Variants in UHMK1 observed in about 807,000 individuals in gnomAD.
UHMK1 encodes the protein serine/threonine-protein kinase Kist.
In UHMK1, 18 loss-of-function variants were observed where a neutral mutation model predicts 44.0. The ratio of observed to expected loss-of-function variants is 0.41; its 90% confidence interval spans 0.28 to 0.61. The LOEUF is 0.61. UHMK1 is among the 20% of genes least tolerant of loss of function. The pLI is 0.31. For synonymous variants in UHMK1, 231 were observed against 198.5 expected (o/e 1.16, Z -1.38); for missense variants, 463 against 522.5 (o/e 0.89, Z 1.11).
In UHMK1 at chr1:162,529,256, TG is replaced by T. The variant is rs1652362020; in HGVS notation, c.*6707del. On this transcript the variant is annotated 3_prime_UTR_variant, in exon 8 of 8. Transcript: ENST00000489294. Reference sequence around the variant, plus strand: ...TGATGTCTTATTGTTTGTGAGCTTTTGTTTTTTTTTTAAAGAAAAAACAAAA... The same window carrying T: ...TGATGTCTTATTGTTTGTGAGCTTTTTTTTTTTTTTAAAGAAAAAACAAAA... The T allele has an allele frequency of 6.6e-6, 1 of 152,150 alleles. No homozygotes were observed. Among genetic ancestry groups the T allele is most frequent in the East Asian group, 1.9e-4 (1 of 5,206 alleles). The allele number at this position is 152,150 out of a possible 1,614,324, so 9.4% of individuals were successfully genotyped here.
Position 162,498,261 on chromosome 1 carries a change from A to G in UHMK1, c.261A>G (p.Arg87=), listed in dbSNP as rs747795868. The change falls in exon 1 of 8, where the codon AGA becomes AGG. Residue 87 remains arginine (R), a synonymous_variant. Coordinates refer to ENST00000489294, the MANE Select transcript of UHMK1 (RefSeq NM_175866.5). ...RAALEQLQGH[R]NIVTLYGVFT... is the part of the protein sequence containing the mutation. The stretch of plus-strand genomic sequence containing the variant: ...CGCTGGAACAGTTGCAGGGTCACAG[A>G]AACATCGGTAATTGCCGCTGTCTCC... 6.3e-7 allele frequency: 1 copy of G among 1,586,348 alleles called. No individual in the cohort carries two copies.
At chr1:162,499,915 C>A (rs1258638402) in intron 1 of UHMK1, 40 bp from the exon 2 acceptor site, 2 of 1,598,140 alleles carry the variant, frequency 1.3e-6, no homozygotes, top group Admixed American at 3.4e-5. Flanking sequence ...GTGACTTACT[C>A]TGAGTCTGAT....
intron 3 of UHMK1, among the ~76,000 whole-genome samples, chr1:162,503,184 T>A (rs754303626): frequency 6.6e-6 from 1 of 152,198 alleles, no homozygotes; most frequent in Non-Finnish European, 1.5e-5. Flanking sequence ...TACATTCTTA[T>A]GTGGTTACTT....
rs931652290 is a variant in UHMK1 at position 162,527,344 on chromosome 1, A to G, written c.*4794A>G. ...TTTAAGAAGAAGGTAAATAATTTTA[A>G]TATTTTTTGCTGTAATTTTATAGGA... On this transcript the variant is annotated 3_prime_UTR_variant, in exon 8 of 8. Transcript: ENST00000489294. 5.9e-5 allele frequency: 9 copies of G among 152,076 alleles called. No homozygotes were observed. Among genetic ancestry groups the G allele is most frequent in the Non-Finnish European group, 2.9e-5 (2 of 67,922 alleles). 9.4% of individuals were successfully genotyped at this position (152,076 alleles called of 1,614,324 possible).
intron 7 of UHMK1, among the ~76,000 whole-genome samples, chr1:162,519,087 C>CCTCA (rs1651951128): frequency 6.6e-6 from 1 of 151,312 alleles, no homozygotes; most frequent in Non-Finnish European, 1.5e-5. Flanking sequence ...GAGGCCGAGG[C>CCTCA]GTGTGGATCA....
At chr1:162,520,428 T>C (rs6427680) in intron 7 of UHMK1, among the ~76,000 whole-genome samples, 69,405 of 151,976 alleles carry the variant, frequency 0.46, 15,906 homozygotes, top group East Asian at 0.47. Flanking sequence ...AGGTACCCAT[T>C]GTAAAAGTGG....
At chr1:162,501,688 C>T (rs912216206) in intron 3 of UHMK1, among the ~76,000 whole-genome samples, 9 of 152,134 alleles carry the variant, frequency 5.9e-5, no homozygotes, top group African/African-American at 2.2e-4. Context: ...AAAGTGGTTT[C>T]TTTTGTTTAC....
chr1:162,525,030 G>C lies in UHMK1; in HGVS notation c.*2480G>C, dbSNP rs1652198137. On this transcript the variant is annotated 3_prime_UTR_variant, in exon 8 of 8. Coordinates refer to ENST00000489294, the MANE Select transcript of UHMK1 (RefSeq NM_175866.5). ...CTGTCTCAGCCTCCCCAGTAGCTGGGTTTACAGGCGCTTGCCACCACACCT... is the reference window on the plus strand; with the variant it reads ...CTGTCTCAGCCTCCCCAGTAGCTGGCTTTACAGGCGCTTGCCACCACACCT... The C allele has an allele frequency of 6.6e-6, 1 of 152,132 alleles. No homozygotes were observed. Among genetic ancestry groups the C allele is most frequent in the Non-Finnish European group, 1.5e-5 (1 of 68,020 alleles). The allele number at this position is 152,132 out of a possible 1,614,324, so 9.4% of individuals were successfully genotyped here.
intron 4 of UHMK1, among the ~76,000 whole-genome samples, chr1:162,508,392 G>A (rs1402131262): frequency 2.6e-5 from 4 of 151,574 alleles, no homozygotes; most frequent in African/African-American, 4.8e-5. Flanking sequence ...GATTATGAGC[G>A]TGAGCCACCA....
At position 162,525,770 on chromosome 1, in the gene UHMK1, T is replaced by G. The variant is rs745813713; in HGVS notation, c.*3220T>G. On this transcript the variant is annotated 3_prime_UTR_variant, in exon 8 of 8. Coordinates refer to ENST00000489294, the MANE Select transcript of UHMK1 (RefSeq NM_175866.5). ...GAGGGATTCCCTTTCTGCTATGCCTTGAGCCAAACTGGCTGCTTTTAGAAC... is the reference window on the plus strand; with the variant it reads ...GAGGGATTCCCTTTCTGCTATGCCTGGAGCCAAACTGGCTGCTTTTAGAAC... 6.6e-6 allele frequency: 1 copy of G among 152,214 alleles called. No individual in the cohort carries two copies. The highest frequency in any genetic ancestry group is 1.5e-5 in the Non-Finnish European group (1 of 68,022). The allele number at this position is 152,214 out of a possible 1,614,324, so 9.4% of individuals were successfully genotyped here. A position where few individuals can be genotyped will look rare whatever the true frequency, so the allele number is the denominator to read the frequency against.
Position 162,497,875 on chromosome 1 carries a change from G to A in UHMK1, c.-126G>A. ...TGGCTGCTTGAAGTCCCGGGAGTCG[G>A]TGAGGCGGCTGCAGGTCCCTCCCTG... On this transcript the variant is annotated 5_prime_UTR_variant, in exon 1 of 8. The change creates a new upstream start codon in the 5' untranslated region. Transcript: ENST00000489294. 2.4e-5 allele frequency: 33 copies of A among 1,398,166 alleles called. No individual in the cohort carries two copies. Among genetic ancestry groups the A allele is most frequent in the Non-Finnish European group, 3.0e-5 (32 of 1,082,322 alleles). The allele number at this position is 1,398,166 out of a possible 1,614,324, so 86.6% of individuals were successfully genotyped here.
Position 162,514,733 on chromosome 1 carries a change from T to G in UHMK1, c.1024+1910T>G, listed in dbSNP as rs1651778929. Among the ~76,000 whole-genome samples, 5 of 152,324 alleles carry G rather than the reference T, an allele frequency of 3.3e-5. No homozygotes were observed. In the South Asian group the frequency reaches 1.0e-3, roughly 32 times the overall value. The stretch of plus-strand genomic sequence containing the variant: ...CATGAGGCATCTGAATTAAACCACT[T>G]GGCAGATGGTGGTCCTAGTTAAAGA... On this transcript the variant is annotated intron_variant, in intron 6 of 7. Coordinates refer to ENST00000489294, the MANE Select transcript of UHMK1 (RefSeq NM_175866.5).
chr1:162,512,033 C>G (rs1651685868), intron 4 of UHMK1, among the ~76,000 whole-genome samples: 2 of 151,308 alleles, frequency 1.3e-5, no homozygotes, highest in Non-Finnish European at 1.5e-5. Flanking sequence ...GTGCTTCCAG[C>G]CTTGTTCTTT....
chr1:162,515,302 C>T (rs538146117), intron 6 of UHMK1, among the ~76,000 whole-genome samples: 50 of 152,064 alleles, frequency 3.3e-4, no homozygotes, highest in Non-Finnish European at 6.6e-4. Flanking sequence ...TGGAAGTAAA[C>T]TTAGGTTTAT....
intron 4 of UHMK1, among the ~76,000 whole-genome samples, chr1:162,509,751 C>T (rs1049174501): frequency 1.3e-5 from 2 of 152,212 alleles, no homozygotes; most frequent in Non-Finnish European, 2.9e-5. Flanking sequence ...AAGTGATTCT[C>T]CTGCCTCAGC....
rs149580384 is a variant in UHMK1 at position 162,500,124 on chromosome 1, T to G, written c.438T>G (p.Leu146=). ...QHCARDVLEA[L]AFLHHEGYVH... ...GTGCCCGAGATGTTTTGGAGGCCCT[T>G]GCTTTTCTTCATCATGAGGGCTATG... Residue 146 remains leucine (L), a synonymous_variant, in exon 2 of 8, where the codon CTT becomes CTG. Transcript: ENST00000489294. 5 of 1,614,206 alleles carry G rather than the reference T, an allele frequency of 3.1e-6. No homozygotes were observed. Among genetic ancestry groups the G allele is most frequent in the Non-Finnish European group, 4.2e-6 (5 of 1,180,042 alleles).
At chr1:162,501,355 A>G (rs1294538923) in intron 3 of UHMK1, among the ~76,000 whole-genome samples, 6 of 152,150 alleles carry the variant, frequency 3.9e-5, no homozygotes, top group African/African-American at 1.4e-4. Context: ...TTTTTAGTAG[A>G]CACGGAGTTT....
At chr1:162,512,246 T>TAACTCACTGTTACA (rs1651693646) in intron 4 of UHMK1, among the ~76,000 whole-genome samples, 1 of 151,910 alleles carries the variant, frequency 6.6e-6, no homozygotes, top group African/African-American at 2.4e-5. Flanking sequence ...TTACAGAGTG[T>TAACTCACTGTTACA]GGATCACTTT....
At chr1:162,506,527 C>T (rs1344189566) in intron 4 of UHMK1, among the ~76,000 whole-genome samples, 8 of 152,104 alleles carry the variant, frequency 5.3e-5, no homozygotes, top group Non-Finnish European at 1.2e-4. Flanking sequence ...TTTCCTGTCA[C>T]CCTGGAAGTC....
Sources: allele counts gnomAD v4.1 joint callset (sites outside exome capture counted in the v4.1 genomes callset), GRCh38; gene constraint gnomAD v4.1.1; transcripts MANE v1.5; gene names NCBI Gene and HGNC (gene_info 2026-07-23, HGNC 2026-07-21).